CDH13: variants seen among roughly 807,000 people sequenced by gnomAD.
CDH13 encodes cadherin 13.
Under a neutral mutation model 63.8 loss-of-function variants are expected in CDH13, and 24 were observed. The observed-to-expected ratio is 0.38, with a 90% confidence interval of 0.27 to 0.53. The LOEUF (loss-of-function observed/expected upper bound fraction) is 0.53. CDH13 is among the 20% of genes least tolerant of loss of function. The probability of loss-of-function intolerance (pLI) is 0.85; values close to 1 mark genes in which losing one functional copy is unlikely to be tolerated. For synonymous variants in CDH13, 503 were observed against 355.3 expected (o/e 1.42, Z -4.67); for missense variants, 1,049 against 903.1 (o/e 1.16, Z -2.07).
chr16:83,412,385 C>T (rs1305691010), intron 6 of CDH13, among the ~76,000 whole-genome samples: 4 of 152,152 alleles, frequency 2.6e-5, no homozygotes, highest in Non-Finnish European at 4.4e-5. Context: ...TCGCTTGAAC[C>T]TAGGAGGCAG....
At chr16:83,021,128 T>A (rs1778073443) in intron 2 of CDH13, among the ~76,000 whole-genome samples, 1 of 152,194 alleles carries the variant, frequency 6.6e-6, no homozygotes, top group Non-Finnish European at 1.5e-5. Context: ...AATCCATGAT[T>A]TTTCTTTCGC....
chr16:83,472,174 T>G (rs534186420), intron 6 of CDH13, among the ~76,000 whole-genome samples: 2 of 152,308 alleles, frequency 1.3e-5, no homozygotes, highest in Middle Eastern at 6.8e-3. Context: ...TTAGTACCGT[T>G]ATACCTCAGG....
chr16:83,224,947 G>T lies in CDH13; in HGVS notation c.636+7450G>T, dbSNP rs1228360351. Reference sequence around the variant, plus strand: ...GAAAGCACTTGTGAGGGAGCAGCTAGCAGGTAAACAGTTGAATGTCAGTAA... The same window carrying T: ...GAAAGCACTTGTGAGGGAGCAGCTATCAGGTAAACAGTTGAATGTCAGTAA... On this transcript the variant is annotated intron_variant, in intron 5 of 13. Coordinates refer to ENST00000567109, the MANE Select transcript of CDH13 (RefSeq NM_001257.5). 2.0e-5 allele frequency among the ~76,000 whole-genome samples: 3 copies of T among 152,296 alleles called. No individual in the cohort carries two copies. The East Asian group carries it at 5.8e-4, about 29-fold the overall frequency.
intron 2 of CDH13, among the ~76,000 whole-genome samples, chr16:83,002,575 C>A (rs1469344141): frequency 1.3e-5 from 2 of 152,228 alleles, no homozygotes; most frequent in Non-Finnish European, 2.9e-5. Context: ...GTGATGTGTT[C>A]ATTCTCGCTT....
At chr16:83,719,222 T>C (rs1049952966) in intron 10 of CDH13, among the ~76,000 whole-genome samples, 2 of 152,200 alleles carry the variant, frequency 1.3e-5, no homozygotes, top group African/African-American at 4.8e-5. Context: ...TTCCAGAACT[T>C]GTCAAGCTTT....
chr16:82,753,570 C>T (rs1038214913), intron 1 of CDH13, among the ~76,000 whole-genome samples: 3 of 152,144 alleles, frequency 2.0e-5, no homozygotes, highest in Admixed American at 1.3e-4. Context: ...ATATCCAAAA[C>T]AATTCTCCAT....
chr16:82,827,049 G>T (rs2038288373), intron 1 of CDH13, among the ~76,000 whole-genome samples: 1 of 152,206 alleles, frequency 6.6e-6, no homozygotes, highest in Admixed American at 6.5e-5. Flanking sequence ...TGATAAAATA[G>T]GGGTTATTTC....
rs536861299 is a variant in CDH13, at chr16:83,300,549, A to G, written c.637-44313A>G. 5.3e-5 allele frequency among the ~76,000 whole-genome samples: 8 copies of G among 152,352 alleles called. No homozygotes were observed. The South Asian group carries it at 1.7e-3, about 32-fold the overall frequency. On this transcript the variant is annotated intron_variant, in intron 5 of 13. Transcript: ENST00000567109. The stretch of plus-strand genomic sequence containing the variant: ...GCCAGTTCATGTGTTGGTTCAACAA[A>G]CGTATACAAACAAATCTTATGTGCT...
intron 7 of CDH13, among the ~76,000 whole-genome samples, chr16:83,578,342 AC>A (rs1905234828): frequency 6.6e-6 from 1 of 152,178 alleles, no homozygotes; most frequent in Admixed American, 6.5e-5. Context: ...CAGGGCACAG[AC>A]CGGGCGGTCA....
chr16:83,013,547 G>A (rs1597407164), intron 2 of CDH13, among the ~76,000 whole-genome samples: 1 of 152,138 alleles, frequency 6.6e-6, no homozygotes, highest in South Asian at 2.1e-4. Flanking sequence ...TCACAAGTGG[G>A]ATTAAGAGCC....
At chr16:83,049,521 G>A (rs955716150) in intron 3 of CDH13, among the ~76,000 whole-genome samples, 1 of 151,932 alleles carries the variant, frequency 6.6e-6, no homozygotes, top group South Asian at 2.1e-4. Context: ...TTTTTTAGTA[G>A]AGACCGGGTT....
Position 83,665,294 on chromosome 16 carries a change from A to G in CDH13, c.1102-5496A>G, listed in dbSNP as rs529130820. Among the ~76,000 whole-genome samples the G allele has an allele frequency of 4.6e-5, 7 of 152,308 alleles. No individual in the cohort carries two copies. The South Asian group carries it at 6.2e-4, about 14-fold the overall frequency. On this transcript the variant is annotated intron_variant, in intron 8 of 13. Coordinates refer to ENST00000567109, the MANE Select transcript of CDH13 (RefSeq NM_001257.5). ...ACAGGGGTTTAAACCAAATTCTCCA[A>G]TTTCTTAGTAAGAATTTCATATGAT...
chr16:83,182,990 A>T (rs1395342640), intron 4 of CDH13, among the ~76,000 whole-genome samples: 1 of 152,150 alleles, frequency 6.6e-6, no homozygotes, highest in Non-Finnish European at 1.5e-5. Context: ...AGTAAAAAAG[A>T]ATAAAAAATA....
chr16:82,888,443 A>T (rs956682363), intron 2 of CDH13, among the ~76,000 whole-genome samples: 1 of 152,220 alleles, frequency 6.6e-6, no homozygotes, highest in Non-Finnish European at 1.5e-5. Flanking sequence ...TAGAAACAGA[A>T]TGGCAAGTAC....
intron 5 of CDH13, among the ~76,000 whole-genome samples, chr16:83,275,540 G>C (rs2088959858): frequency 6.8e-6 from 1 of 147,592 alleles, no homozygotes; most frequent in East Asian, 2.0e-4. Flanking sequence ...TGGAATTACT[G>C]AGAGAGATGG....
intron 8 of CDH13, among the ~76,000 whole-genome samples, chr16:83,626,084 C>G (rs545364158): frequency 6.6e-5 from 10 of 150,888 alleles, no homozygotes; most frequent in African/African-American, 2.4e-4. Flanking sequence ...AATCACAGTT[C>G]ACTGCAGCCT....
chr16:83,645,098 T>C (rs750517187), intron 8 of CDH13, among the ~76,000 whole-genome samples: 1 of 152,206 alleles, frequency 6.6e-6, no homozygotes, highest in Non-Finnish European at 1.5e-5. Flanking sequence ...CTACTCCTCA[T>C]ATGTTCACCA....
chr16:82,797,774 C>CGTGTGT (rs3046484), intron 1 of CDH13, among the ~76,000 whole-genome samples: 6,353 of 145,606 alleles, frequency 0.044, 197 homozygotes, highest in African/African-American at 0.08. Flanking sequence ...ACTTTAGGGC[C>CGTGTGT]GTGTGTGTGT....
chr16:83,776,088 A>G (rs563734268), intron 11 of CDH13, among the ~76,000 whole-genome samples: 9 of 152,332 alleles, frequency 5.9e-5, no homozygotes, highest in African/African-American at 2.2e-4. Flanking sequence ...CATCGCCCAA[A>G]GTAACAAACT....
Sources: allele counts gnomAD v4.1 joint callset (sites outside exome capture counted in the v4.1 genomes callset), GRCh38; gene constraint gnomAD v4.1.1; transcripts MANE v1.5; gene names NCBI Gene and HGNC (gene_info 2026-07-23, HGNC 2026-07-21).